TBCK: variants seen among roughly 807,000 people sequenced by gnomAD.
The protein encoded by TBCK is TBC1 domain containing kinase.
In TBCK, 99 loss-of-function variants were observed where a neutral mutation model predicts 113.4. The ratio of observed to expected loss-of-function variants is 0.87; its 90% CI spans 0.74 to 1.03. TBCK has a LOEUF of 1.03. TBCK is among the 50% of genes least tolerant of loss of function. The pLI is 0.00. For missense variants in TBCK, 1,045 were observed against 1,061.3 expected (o/e 0.98, Z 0.21); for synonymous variants, 369 against 370.8 (o/e 1.00, Z 0.05).
chr4:106,131,798 T>C (rs1436300621), intron 23 of TBCK, among the ~76,000 whole-genome samples: 1 of 152,152 alleles, frequency 6.6e-6, no homozygotes, highest in Non-Finnish European at 1.5e-5. Context: ...GACTTATGAA[T>C]GGCTTTGACC....
chr4:106,089,831 C>T (rs1474069975), intron 25 of TBCK, among the ~76,000 whole-genome samples: 2 of 152,212 alleles, frequency 1.3e-5, no homozygotes, highest in African/African-American at 2.4e-5. Context: ...GCTATGAAGG[C>T]CTTGGACAGG....
chr4:106,165,963 T>TTCTAATA (rs1750322275), intron 23 of TBCK, among the ~76,000 whole-genome samples: 1 of 151,750 alleles, frequency 6.6e-6, no homozygotes, highest in South Asian at 2.1e-4. Flanking sequence ...TTGATTTTTC[T>TTCTAATA]TCTAATATCC....
chr4:106,164,588 C>G (rs116106924), intron 23 of TBCK: 1 of 151,626 alleles, frequency 6.6e-6, no homozygotes, highest in Non-Finnish European at 1.5e-5. Flanking sequence ...GATAAAATGG[C>G]AATTTATAAG....
intron 2 of TBCK, among the ~76,000 whole-genome samples, chr4:106,303,321 T>A (rs1425023733): frequency 6.6e-6 from 1 of 152,202 alleles, no homozygotes; most frequent in Non-Finnish European, 1.5e-5. Context: ...TCTACACCAG[T>A]GCTTTTAAGC....
In TBCK at chr4:106,225,466, T is replaced by G. The variant is rs571538540; in HGVS notation, c.1774+4897A>C. On this transcript the variant is annotated intron_variant, in intron 19 of 25. Coordinates refer to ENST00000394708, the MANE Select transcript of TBCK (RefSeq NM_001163435.3). ...AAGAACAGTCTTTTTGGTCTTTTTT[T>G]TGTTTGTTTTTGAGACGGAGTCTCG... 7.1e-3 allele frequency among the ~76,000 whole-genome samples: 1,061 copies of G among 149,594 alleles called. 10 individuals carry two copies. Among genetic ancestry groups the G allele is most frequent in the African/African-American group, 0.024 (998 of 41,348 alleles).
chr4:106,193,409 G>A (rs952956361), intron 22 of TBCK, among the ~76,000 whole-genome samples, 200 bp downstream of exon 22: 2 of 152,088 alleles, frequency 1.3e-5, no homozygotes, highest in Non-Finnish European at 2.9e-5. Flanking sequence ...CACAGTGAGC[G>A]GGTATGACCC....
intron 19 of TBCK, among the ~76,000 whole-genome samples, chr4:106,229,484 C>T (rs531444032): frequency 6.6e-6 from 1 of 152,110 alleles, no homozygotes; most frequent in African/African-American, 2.4e-5. Flanking sequence ...TTCCTCAGAA[C>T]TATTTGTTGA....
At chr4:106,289,549 T>A (rs67321524) in intron 3 of TBCK, among the ~76,000 whole-genome samples, 55,286 of 151,778 alleles carry the variant, frequency 0.36, 10,402 homozygotes, top group African/African-American at 0.45. Context: ...GGCGGGCAGA[T>A]CATGAGGTCA....
intron 22 of TBCK, among the ~76,000 whole-genome samples, chr4:106,177,805 C>T (rs1382316494): frequency 2.6e-5 from 4 of 151,752 alleles, no homozygotes; most frequent in Non-Finnish European, 5.9e-5. Flanking sequence ...GCTTTTGCTA[C>T]TTGGGGTCTT....
intron 3 of TBCK, among the ~76,000 whole-genome samples, chr4:106,289,539 G>A (rs558977595): frequency 5.3e-5 from 8 of 152,186 alleles, no homozygotes; most frequent in African/African-American, 1.9e-4. Context: ...GAGAGGCTGA[G>A]GCGGGCAGAT....
In TBCK at chr4:106,045,635, GGGAA is replaced by G. The variant is rs1734152944; in HGVS notation, c.*931_*934del. 1 of 152,200 alleles carries G rather than the reference GGGAA, an allele frequency of 6.6e-6. No individual in the cohort carries two copies. The highest frequency in any genetic ancestry group is 6.5e-5 in the Admixed American group (1 of 15,278). 9.4% of individuals were successfully genotyped at this position (152,200 alleles called of 1,614,324 possible). A position where few individuals can be genotyped will look rare whatever the true frequency, so the allele number is the denominator to read the frequency against. On this transcript the variant is annotated 3_prime_UTR_variant, in exon 26 of 26. Transcript: ENST00000394708. The stretch of plus-strand genomic sequence containing the variant: ...GCAACTTCTGGTTTATGACCTTAAA[GGGAA>G]GGAGTGTGCTTCGCTTCTTTTCCTT...
In TBCK at chr4:106,264,699, G is replaced by A. The variant is rs1294402579; in HGVS notation, c.267-2487C>T. Among the ~76,000 whole-genome samples, 6 of 151,776 alleles carry A rather than the reference G, an allele frequency of 4.0e-5. No individual in the cohort carries two copies. The East Asian group carries it at 5.8e-4, about 15-fold the overall frequency. On this transcript the variant is annotated intron_variant, in intron 3 of 25. Transcript: ENST00000394708. ...AATGTCTCAGTCATCAAGATTTAACGGATACCATAATTTTATAACTCTATT... is the reference window on the plus strand; with the variant it reads ...AATGTCTCAGTCATCAAGATTTAACAGATACCATAATTTTATAACTCTATT...
chr4:106,060,814 G>A (rs1192826329), intron 25 of TBCK, among the ~76,000 whole-genome samples: 1 of 151,726 alleles, frequency 6.6e-6, no homozygotes, highest in Non-Finnish European at 1.5e-5. Context: ...CAAAACATTT[G>A]TGACTCTTGG....
At chr4:106,175,599 T>C (rs981350990) in intron 22 of TBCK, among the ~76,000 whole-genome samples, 1 of 152,078 alleles carries the variant, frequency 6.6e-6, no homozygotes, top group South Asian at 2.1e-4. Flanking sequence ...TGCTCTCTGC[T>C]ATGCCTATTG....
intron 22 of TBCK, among the ~76,000 whole-genome samples, chr4:106,184,202 T>C (rs1356332221): frequency 6.6e-6 from 1 of 152,062 alleles, no homozygotes; most frequent in African/African-American, 2.4e-5. Flanking sequence ...CTTAAGCATG[T>C]ATCTAAAACT....
intron 2 of TBCK, among the ~76,000 whole-genome samples, chr4:106,300,760 T>C (rs1178020882): frequency 6.6e-6 from 1 of 152,162 alleles, no homozygotes; most frequent in Non-Finnish European, 1.5e-5. Flanking sequence ...GAAATTATCC[T>C]AGATAATCAG....
At chr4:106,135,961 T>C (rs1020123161) in intron 23 of TBCK, among the ~76,000 whole-genome samples, 1 of 141,432 alleles carries the variant, frequency 7.1e-6, no homozygotes, top group Non-Finnish European at 1.6e-5. Context: ...TCGAGGAATG[T>C]GTCACATAGT....
Position 106,152,871 on chromosome 4 carries a change from T to G in TBCK, c.2235+18224A>C, listed in dbSNP as rs547371914. ...GATTTTCCAATTTATTGGCATATAGTTGCTCGCAGCAGCTGCTAATCCTTT... is the reference window on the plus strand; with the variant it reads ...GATTTTCCAATTTATTGGCATATAGGTGCTCGCAGCAGCTGCTAATCCTTT... On this transcript the variant is annotated intron_variant, in intron 23 of 25. Transcript: ENST00000394708. Among the ~76,000 whole-genome samples, 140 of 152,116 alleles carry G rather than the reference T, an allele frequency of 9.2e-4. 1 individual carries two copies. In the South Asian group the frequency reaches 0.029, roughly 31 times the overall value.
chr4:106,221,474 A>G (rs1757672519), intron 19 of TBCK, among the ~76,000 whole-genome samples: 1 of 152,200 alleles, frequency 6.6e-6, no homozygotes. Context: ...TTCAAATGAG[A>G]TAACAATATG....
Sources: allele counts gnomAD v4.1 joint callset (sites outside exome capture counted in the v4.1 genomes callset), GRCh38; gene constraint gnomAD v4.1.1; transcripts MANE v1.5; gene names NCBI Gene and HGNC (gene_info 2026-07-23, HGNC 2026-07-21).